Variants in LUZP2 observed in about 807,000 individuals in gnomAD.
The protein encoded by LUZP2 is leucine zipper protein 2.
A neutral mutation model predicts 51.6 loss-of-function variants in LUZP2; 52 were observed. The ratio of observed to expected loss-of-function variants is 1.01; its 90% confidence interval spans 0.81 to 1.27. The LOEUF is 1.27. LUZP2 is among the 50% of genes most tolerant of loss of function. The pLI, the probability that LUZP2 is intolerant of heterozygous loss-of-function variation, is 0.00. For missense variants in LUZP2, 436 were observed against 395.4 expected (o/e 1.10, Z -0.87); for synonymous variants, 154 against 137.3 (o/e 1.12, Z -0.85).
chr11:24,621,501 G>A (rs532002536), intron 1 of LUZP2, among the ~76,000 whole-genome samples: 43 of 152,242 alleles, frequency 2.8e-4, no homozygotes, highest in African/African-American at 1.0e-3. Context: ...CATCCCATGA[G>A]AACACTAGCA....
chr11:24,816,875 T>A (rs1202157871), intron 5 of LUZP2, among the ~76,000 whole-genome samples: 1 of 152,010 alleles, frequency 6.6e-6, no homozygotes, highest in Non-Finnish European at 1.5e-5. Context: ...TATTTGAGAC[T>A]TTTTTTAGTA....
At chr11:24,680,569 C>T (rs1333013221) in intron 1 of LUZP2, among the ~76,000 whole-genome samples, 5 of 152,092 alleles carry the variant, frequency 3.3e-5, no homozygotes, top group African/African-American at 1.2e-4. Context: ...ATCTTCAGTT[C>T]CTCTATTTTC....
intron 1 of LUZP2, among the ~76,000 whole-genome samples, chr11:24,619,245 G>A (rs1227636370): frequency 6.6e-6 from 1 of 151,996 alleles, no homozygotes; most frequent in Non-Finnish European, 1.5e-5. Context: ...TGTTGTCCAA[G>A]CTGGTCTCAA....
At chr11:24,954,488 G>A (rs1182866056) in intron 7 of LUZP2, among the ~76,000 whole-genome samples, 2 of 152,152 alleles carry the variant, frequency 1.3e-5, no homozygotes, top group East Asian at 3.9e-4. Context: ...GTCATCCAGA[G>A]ACTGGGAGTG....
chr11:24,819,876 T>C (rs1451430243), intron 5 of LUZP2, among the ~76,000 whole-genome samples: 2 of 152,178 alleles, frequency 1.3e-5, no homozygotes, highest in Middle Eastern at 3.2e-3. Flanking sequence ...CTTCATTTTA[T>C]GAGCAAAAGA....
intron 7 of LUZP2, among the ~76,000 whole-genome samples, chr11:24,955,103 T>C (rs992334711): frequency 1.4e-4 from 22 of 151,964 alleles, no homozygotes; most frequent in East Asian, 1.2e-3. Context: ...ACACTAGTAC[T>C]TACACCCGTA....
intron 7 of LUZP2, among the ~76,000 whole-genome samples, chr11:24,963,564 C>T (rs888254071): frequency 3.3e-5 from 5 of 152,036 alleles, no homozygotes; most frequent in East Asian, 2.0e-4. Context: ...TAGGACCCTC[C>T]GAGCCATGTG....
chr11:24,883,769 A>G (rs1852571012), intron 5 of LUZP2, among the ~76,000 whole-genome samples: 1 of 152,088 alleles, frequency 6.6e-6, no homozygotes, highest in Admixed American at 6.6e-5. Context: ...GTCTTAAACG[A>G]CAGTTTGCTA....
Position 24,926,309 on chromosome 11 carries a change from GTA to G in LUZP2, c.522+11780_522+11781del, listed in dbSNP as rs1173697595. Among the ~76,000 whole-genome samples, 63 of 76,556 alleles carry G rather than the reference GTA, an allele frequency of 8.2e-4. 2 individuals are homozygous for G. Among genetic ancestry groups the G allele is most frequent in the African/African-American group, 3.2e-3 (61 of 19,048 alleles). 50.2% of individuals were successfully genotyped at this position (76,556 alleles called of 152,430 possible). A position where few individuals can be genotyped will look rare whatever the true frequency, so the allele number is the denominator to read the frequency against. ...TATACGTGTGTATATATATACGTGTGTATATATATACGTGTGTGTATATATAT... is the reference window on the plus strand; with the variant it reads ...TATACGTGTGTATATATATACGTGTGTATATATACGTGTGTGTATATATAT... On this transcript the variant is annotated intron_variant, in intron 7 of 11. Transcript: ENST00000336930.
rs958789398 is a variant in LUZP2 at position 24,950,295 on chromosome 11, C to A, written c.523-26296C>A. 2.6e-4 allele frequency among the ~76,000 whole-genome samples: 39 copies of A among 151,610 alleles called. 2 individuals are homozygous for A. The highest frequency in any genetic ancestry group is 3.4e-3 in the Middle Eastern group (1 of 292). The stretch of plus-strand genomic sequence containing the variant: ...AAAACGAAATGTTAACACCTTCTTG[C>A]AATGTTTAATCTACCAAATTAACCC... On this transcript the variant is annotated intron_variant, in intron 7 of 11. Transcript: ENST00000336930.
intron 10 of LUZP2, among the ~76,000 whole-genome samples, chr11:25,073,378 A>C (rs996943056): frequency 6.6e-6 from 1 of 152,130 alleles, no homozygotes; most frequent in Non-Finnish European, 1.5e-5. Context: ...TATAAAACAA[A>C]GGAAACTTTG....
chr11:25,034,457 A>G (rs1857789239), intron 9 of LUZP2, among the ~76,000 whole-genome samples: 1 of 151,990 alleles, frequency 6.6e-6, no homozygotes, highest in African/African-American at 2.4e-5. Context: ...TTGTTGTTGC[A>G]ATTGCTTTTG....
intron 3 of LUZP2, among the ~76,000 whole-genome samples, chr11:24,734,245 G>C (rs1277921933): frequency 1.2e-5 from 1 of 84,074 alleles, no homozygotes; most frequent in African/African-American, 5.0e-5. Context: ...CTTACTACAG[G>C]AGGGACGCGG....
chr11:24,505,444 C>T (rs1850119064), intron 1 of LUZP2, among the ~76,000 whole-genome samples: 1 of 152,092 alleles, frequency 6.6e-6, no homozygotes, highest in Admixed American at 6.6e-5. Context: ...TTTAACAGTG[C>T]CTCTCTCATA....
At chr11:24,769,395 C>T (rs1317211235) in intron 5 of LUZP2, among the ~76,000 whole-genome samples, 2 of 152,132 alleles carry the variant, frequency 1.3e-5, no homozygotes, top group African/African-American at 2.4e-5. Flanking sequence ...TTTGAATGTT[C>T]TCACCACAAG....
At chr11:24,501,514 C>T (rs79742696) in intron 1 of LUZP2, among the ~76,000 whole-genome samples, 11 of 152,134 alleles carry the variant, frequency 7.2e-5, no homozygotes, top group East Asian at 3.8e-4. Flanking sequence ...ACTATGTGTG[C>T]GGCTGTTTCT....
intron 9 of LUZP2, among the ~76,000 whole-genome samples, chr11:24,993,947 G>A (rs1225226997): frequency 2.0e-5 from 3 of 152,080 alleles, no homozygotes; most frequent in African/African-American, 4.8e-5. Flanking sequence ...TGCAGCCTCC[G>A]CCTCCGGGGT....
intron 7 of LUZP2, among the ~76,000 whole-genome samples, chr11:24,954,626 C>A (rs892560947): frequency 3.3e-5 from 5 of 152,012 alleles, no homozygotes; most frequent in Non-Finnish European, 5.9e-5. Context: ...AGCTTAGGAG[C>A]CTCCACCATG....
chr11:25,019,054 G>T (rs1035779946), intron 9 of LUZP2, among the ~76,000 whole-genome samples: 1 of 152,160 alleles, frequency 6.6e-6, no homozygotes, highest in Non-Finnish European at 1.5e-5. Flanking sequence ...CGCCAGAGTG[G>T]CACATTTGTT....
Sources: allele counts gnomAD v4.1 joint callset (sites outside exome capture counted in the v4.1 genomes callset), GRCh38; gene constraint gnomAD v4.1.1; transcripts MANE v1.5; gene names NCBI Gene and HGNC (gene_info 2026-07-23, HGNC 2026-07-21).